The following EPCAM variants were observed in gnomAD, a reference collection of about 807,000 sequenced individuals.
EPCAM encodes adenocarcinoma-associated antigen.
Under a neutral mutation model 40.0 loss-of-function variants are expected in EPCAM, and 39 were observed. The observed-to-expected ratio is 0.98, with a 90% CI of 0.76 to 1.27. The LOEUF (loss-of-function observed/expected upper bound fraction) is 1.27. Ranked by LOEUF, EPCAM falls within the 50% of genes most tolerant of loss-of-function variation. The pLI is 0.00. For missense variants in EPCAM, 503 were observed against 381.2 expected (o/e 1.32, Z -2.66); for synonymous variants, 168 against 132.3 (o/e 1.27, Z -1.85).
At chr2:47,372,763 C>A (rs1160078840) in intron 1 of EPCAM, among the ~76,000 whole-genome samples, 1 of 151,836 alleles carries the variant, frequency 6.6e-6, no homozygotes, top group African/African-American at 2.4e-5. Context: ...CAGAGTGAGA[C>A]TCTGTCTCAA....
chr2:47,375,841 G>C (rs146807366), intron 4 of EPCAM, among the ~76,000 whole-genome samples: 4 of 152,046 alleles, frequency 2.6e-5, no homozygotes, highest in African/African-American at 9.6e-5. Context: ...AAGTAGCTGG[G>C]ACTACAGGTG....
intron 7 of EPCAM, chr2:47,383,305 G>GGAAAAAAAAAAAAAAA (rs1305593102): frequency 3.3e-4 from 41 of 124,040 alleles, no homozygotes; most frequent in African/African-American, 1.1e-3. Flanking sequence ...GACTCCATCT[G>GGAAAAAAAAAAAAAAA]AAAAAAAAAA....
chr2:47,386,680 G>A lies in EPCAM; in HGVS notation c.*67G>A, dbSNP rs561601775. 1.2e-4 allele frequency: 144 copies of A among 1,210,824 alleles called. 2 individuals are homozygous for A. The highest frequency in any genetic ancestry group is 9.7e-4 in the South Asian group (78 of 80,812). 75.0% of individuals were successfully genotyped at this position (1,210,824 alleles called of 1,614,324 possible). Reference sequence around the variant, plus strand: ...GGACACAAATTACAAATGTGTGTGCGTGGGACGAAGACATCTTTGAAGGTC... The same window carrying A: ...GGACACAAATTACAAATGTGTGTGCATGGGACGAAGACATCTTTGAAGGTC... On this transcript the variant is annotated 3_prime_UTR_variant, in exon 9 of 9. Coordinates refer to ENST00000263735, the MANE Select transcript of EPCAM (RefSeq NM_002354.3).
At chr2:47,374,286 T>C (rs1671364890) in intron 3 of EPCAM, among the ~76,000 whole-genome samples, 1 of 152,212 alleles carries the variant, frequency 6.6e-6, no homozygotes, top group African/African-American at 2.4e-5. Context: ...TATATCTGTT[T>C]TATTATTTTT....
At chr2:47,373,609 GACTTAAT>G in intron 2 of EPCAM, 39 bp downstream of exon 2, 1 of 1,509,566 alleles carries the variant, frequency 6.6e-7, no homozygotes, top group Non-Finnish European at 9.2e-7. Flanking sequence ...GCTTTATTTT[GACTTAAT>G]ACTTCTTTAA....
intron 1 of EPCAM, among the ~76,000 whole-genome samples, chr2:47,373,062 AG>A (rs1403035757): frequency 2.0e-5 from 3 of 151,736 alleles, no homozygotes; most frequent in Non-Finnish European, 4.4e-5. Context: ...AAAATTAGCC[AG>A]GCATGGTGGT....
At chr2:47,386,548 T>C in intron 8 of EPCAM, 24 bp from the exon 9 acceptor site, 1 of 1,578,352 alleles carries the variant, frequency 6.3e-7, no homozygotes, top group Non-Finnish European at 8.7e-7. Context: ...TTAGAATTTT[T>C]TTCTGTGCTT....
At chr2:47,374,864 C>T (rs1671381028) in intron 3 of EPCAM, among the ~76,000 whole-genome samples, 1 of 152,136 alleles carries the variant, frequency 6.6e-6, no homozygotes, top group Non-Finnish European at 1.5e-5. Context: ...TCTCCAACTC[C>T]TGACCTCAGG....
chr2:47,370,746 T>C (rs1671239889), intron 1 of EPCAM, among the ~76,000 whole-genome samples: 1 of 151,728 alleles, frequency 6.6e-6, no homozygotes, highest in Admixed American at 6.6e-5. Context: ...ATTATTATTT[T>C]TGAGACAGAG....
chr2:47,383,119 A>C (rs1013374776), intron 7 of EPCAM: 1 of 151,946 alleles, frequency 6.6e-6, no homozygotes, highest in Non-Finnish European at 1.5e-5. Flanking sequence ...ATCCTGGCTA[A>C]CACGGTGAAA....
chr2:47,377,654 A>G (rs1479212965), intron 5 of EPCAM: 1 of 298,638 alleles, frequency 3.3e-6, no homozygotes, highest in Non-Finnish European at 6.8e-6. Context: ...CTTATCCTGG[A>G]GAACCTGTCC....
Position 47,369,558 on chromosome 2 carries a change from C to T in EPCAM, c.53C>T (p.Ala18Val), listed in dbSNP as rs2103738187. 6.3e-7 allele frequency: 1 copy of T among 1,588,766 alleles called. No individual in the cohort carries two copies. Among genetic ancestry groups the T allele is most frequent in the Admixed American group, 1.8e-5 (1 of 56,064 alleles). The change falls in exon 1 of 9, where the codon GCG becomes GTG. Residue 18 changes from alanine (A) to valine (V), a missense_variant. Coordinates refer to ENST00000263735, the MANE Select transcript of EPCAM (RefSeq NM_002354.3). ...AFGLLLAAAT[A>V]TFAAAQEECV... Reference sequence around the variant, plus strand: ...GGGCTTCTGCTTGCCGCGGCGACGGCGACTTTTGCCGCAGCTCAGGAAGGT... The same window carrying T: ...GGGCTTCTGCTTGCCGCGGCGACGGTGACTTTTGCCGCAGCTCAGGAAGGT...
At chr2:47,385,084 C>A in intron 7 of EPCAM, 82 bp from the exon 8 acceptor site, 1 of 1,013,192 alleles carries the variant, frequency 9.9e-7, no homozygotes, top group Non-Finnish European at 1.6e-6. Context: ...AAAATTATGT[C>A]CATTAAAAGC....
intron 7 of EPCAM, among the ~76,000 whole-genome samples, chr2:47,383,599 G>A (rs1313818272): frequency 5.4e-5 from 6 of 110,424 alleles, no homozygotes; most frequent in African/African-American, 1.8e-4. Flanking sequence ...CACTGTGCCC[G>A]GCTTCTTCTT....
intron 1 of EPCAM, chr2:47,369,821 G>A: frequency 1.5e-6 from 1 of 651,138 alleles, no homozygotes. Context: ...TAGGGAAATG[G>A]CCTTGGGCGG....
intron 3 of EPCAM, among the ~76,000 whole-genome samples, chr2:47,374,711 T>G: frequency 6.6e-6 from 1 of 152,092 alleles, no homozygotes; most frequent in East Asian, 1.9e-4. Context: ...TGGCACAATC[T>G]CAGCTCACTG....
At chr2:47,379,105 C>A (rs765692314) in intron 6 of EPCAM, 51 bp downstream of exon 6, 10 of 953,612 alleles carry the variant, frequency 1.0e-5, no homozygotes, top group Admixed American at 1.7e-5. Context: ...TCTATCATGC[C>A]TCAATGAATT....
chr2:47,374,074 G>T, intron 3 of EPCAM, 26 bp downstream of exon 3: 1 of 1,613,084 alleles, frequency 6.2e-7, no homozygotes, highest in South Asian at 1.1e-5. Context: ...TATACTACTT[G>T]TTTTCATGCT....
rs903630738 is a variant in EPCAM, at chr2:47,373,742, AT to A, written c.185-56del. 849 of 1,524,106 alleles carry A rather than the reference AT, an allele frequency of 5.6e-4. 1 individual carries two copies. Among genetic ancestry groups the A allele is most frequent in the South Asian group, 7.2e-4 (63 of 87,100 alleles). The allele number at this position is 1,524,106 out of a possible 1,614,324, so 94.4% of individuals were successfully genotyped here. A position where few individuals can be genotyped will look rare whatever the true frequency, so the allele number is the denominator to read the frequency against. ...CTTTGACCCTGGAACTTTAGAGTTA[AT>A]TTTTTTTTTCCCGTAATCATGAAAT... On this transcript the variant is annotated intron_variant, in intron 2 of 8. Coordinates refer to ENST00000263735, the MANE Select transcript of EPCAM (RefSeq NM_002354.3).
Sources: gnomAD v4.1 joint callset for allele counts (sites outside exome capture counted in the v4.1 genomes callset) on GRCh38, gnomAD v4.1.1 for gene constraint, MANE v1.5 for transcripts, NCBI Gene and HGNC (gene_info 2026-07-23, HGNC 2026-07-21) for gene names.